PPP2R2C: variants seen among roughly 807,000 people sequenced by gnomAD.
The protein encoded by PPP2R2C is protein phosphatase 2, regulatory subunit B, gamma.
PPP2R2C carries 10 observed loss-of-function variants against 45.3 expected under a neutral mutation model. The ratio of observed to expected loss-of-function variants is 0.22; its 90% CI spans 0.14 to 0.37. PPP2R2C has a LOEUF of 0.37. PPP2R2C is among the 10% of genes least tolerant of loss of function. The probability of loss-of-function intolerance (pLI) is 1.00; values close to 1 mark genes in which losing one functional copy is unlikely to be tolerated. For synonymous variants in PPP2R2C, 257 were observed against 245.4 expected, an observed-to-expected ratio of 1.05 and a Z score of -0.44; for missense variants, 308 against 619.7, an observed-to-expected ratio of 0.50 and a Z score of 5.34.
At chr4:6,556,530 T>G (rs13148161) in intron 1 of PPP2R2C, among the ~76,000 whole-genome samples, 1 of 152,192 alleles carries the variant, frequency 6.6e-6, no homozygotes, top group African/African-American at 2.4e-5. Context: ...ACACGTGCAG[T>G]GATCCTATTG....
intron 5 of PPP2R2C, among the ~76,000 whole-genome samples, chr4:6,370,410 G>C (rs974286118): frequency 6.6e-6 from 1 of 152,182 alleles, no homozygotes; most frequent in African/African-American, 2.4e-5. Context: ...TGCAGACCTG[G>C]AGCTCCTGCT....
chr4:6,428,303 G>T (rs1054559240), intron 1 of PPP2R2C, among the ~76,000 whole-genome samples: 3 of 152,212 alleles, frequency 2.0e-5, no homozygotes, highest in Non-Finnish European at 4.4e-5. Context: ...ACCCCGGCCT[G>T]GATGGACAGT....
intron 1 of PPP2R2C, among the ~76,000 whole-genome samples, chr4:6,545,021 G>A (rs529124096): frequency 3.3e-5 from 5 of 152,230 alleles, no homozygotes; most frequent in African/African-American, 9.6e-5. Flanking sequence ...GAAGGATGAC[G>A]ACTTTTTCCA....
intron 2 of PPP2R2C, among the ~76,000 whole-genome samples, chr4:6,520,070 G>A (rs1194320657): frequency 6.6e-6 from 1 of 152,160 alleles, no homozygotes; most frequent in Non-Finnish European, 1.5e-5. Context: ...AGCCCCCAAG[G>A]CGCTTTAACA....
chr4:6,511,809 G>A (rs1470624082), intron 2 of PPP2R2C, among the ~76,000 whole-genome samples: 2 of 83,892 alleles, frequency 2.4e-5, no homozygotes. Flanking sequence ...TGGTGGTGTT[G>A]GTGGTGGTGA....
chr4:6,441,575 A>T (rs924683326), intron 1 of PPP2R2C, among the ~76,000 whole-genome samples: 1 of 152,070 alleles, frequency 6.6e-6, no homozygotes, highest in Non-Finnish European at 1.5e-5. Flanking sequence ...TCCCTGGCGG[A>T]TGGTTCCAGC....
intron 2 of PPP2R2C, among the ~76,000 whole-genome samples, chr4:6,513,806 G>C (rs2108807868): frequency 6.6e-6 from 1 of 152,300 alleles, no homozygotes; most frequent in Non-Finnish European, 1.5e-5. Context: ...GGCCCCCAGA[G>C]GCCCCCATCT....
rs73798243 is a variant in PPP2R2C at position 6,417,622 on chromosome 4, T to C, written c.71-36528A>G. Among the ~76,000 whole-genome samples the C allele has an allele frequency of 6.0e-4, 92 of 152,312 alleles. No homozygotes were observed. The Middle Eastern group carries it at 0.017, about 28-fold the overall frequency. Reference sequence around the variant, plus strand: ...TGTTGCCCAGGCTTCTGGATAAACATGTTCTCCTGCTGAGGCTTTCGGGGG... The same window carrying C: ...TGTTGCCCAGGCTTCTGGATAAACACGTTCTCCTGCTGAGGCTTTCGGGGG... On this transcript the variant is annotated intron_variant, in intron 1 of 8. Transcript: ENST00000382599.
chr4:6,414,458 C>A (rs567882074), intron 1 of PPP2R2C, among the ~76,000 whole-genome samples: 1 of 151,920 alleles, frequency 6.6e-6, no homozygotes, highest in Non-Finnish European at 1.5e-5. Flanking sequence ...AGGAGGCTGG[C>A]GGGAGGAGCA....
chr4:6,470,774 G>C (rs939634459), intron 1 of PPP2R2C, among the ~76,000 whole-genome samples: 2 of 151,828 alleles, frequency 1.3e-5, no homozygotes, highest in East Asian at 3.9e-4. Flanking sequence ...AGCCGCGGCC[G>C]GGTCAGAGCC....
At chr4:6,494,612 G>A (rs193222966) in intron 2 of PPP2R2C, among the ~76,000 whole-genome samples, 7 of 152,168 alleles carry the variant, frequency 4.6e-5, no homozygotes, top group African/African-American at 4.8e-5. Context: ...CACAGCCCAG[G>A]TGGAGGCCAG....
intron 6 of PPP2R2C, among the ~76,000 whole-genome samples, chr4:6,343,868 T>C (rs958000438): frequency 2.0e-5 from 3 of 152,164 alleles, no homozygotes; most frequent in African/African-American, 4.8e-5. Context: ...AATCTTAAAA[T>C]TGGGCAAAGA....
intron 1 of PPP2R2C, among the ~76,000 whole-genome samples, chr4:6,463,580 C>T (rs1721438995): frequency 6.6e-6 from 1 of 152,240 alleles, no homozygotes; most frequent in African/African-American, 2.4e-5. Flanking sequence ...CAGGGGCCCC[C>T]AGGTGTGTCC....
At chr4:6,375,458 A>G (rs533767804) in intron 4 of PPP2R2C, among the ~76,000 whole-genome samples, 5 of 152,162 alleles carry the variant, frequency 3.3e-5, no homozygotes, top group African/African-American at 1.2e-4. Flanking sequence ...GCCTCTGCCT[A>G]CTCACTCAGC....
chr4:6,559,027 T>G (rs1354523266), intron 1 of PPP2R2C, among the ~76,000 whole-genome samples: 2 of 152,246 alleles, frequency 1.3e-5, no homozygotes, highest in South Asian at 4.1e-4. Context: ...CTCCCAGCTC[T>G]GTGGCTCTGC....
rs1361463779 is a variant in PPP2R2C, at chr4:6,321,723, T to C, written c.*1579A>G. On this transcript the variant is annotated 3_prime_UTR_variant, in exon 9 of 9. Coordinates refer to ENST00000382599, the MANE Select transcript of PPP2R2C (RefSeq NM_020416.4). The stretch of plus-strand genomic sequence containing the variant: ...CTGCTCCCCACTTTCTGAATCAAAA[T>C]GCCAAACTACGTGGCTCTGCTGCAA... 7 of 152,058 alleles carry C rather than the reference T, an allele frequency of 4.6e-5. No homozygotes were observed. Among genetic ancestry groups the C allele is most frequent in the Non-Finnish European group, 7.4e-5 (5 of 68,012 alleles). 9.4% of individuals were successfully genotyped at this position (152,058 alleles called of 1,614,324 possible).
chr4:6,500,928 C>T (rs1002120640), intron 2 of PPP2R2C, among the ~76,000 whole-genome samples: 5 of 152,148 alleles, frequency 3.3e-5, no homozygotes, highest in South Asian at 2.1e-4. Flanking sequence ...AGCCGTCGCA[C>T]GGCACACATC....
chr4:6,509,293 G>T lies in PPP2R2C; in HGVS notation c.49+25978C>A, dbSNP rs1723347696. Reference sequence around the variant, plus strand: ...AAAGCCTTGCCTGGCAGCCCTTCTTGAGAAGTGGTATCTTCATCTCAGTCT... The same window carrying T: ...AAAGCCTTGCCTGGCAGCCCTTCTTTAGAAGTGGTATCTTCATCTCAGTCT... On this transcript the variant is annotated intron_variant, in intron 2 of 9. Transcript: ENST00000506140. Among the ~76,000 whole-genome samples the T allele has an allele frequency of 3.9e-5, 6 of 152,234 alleles. No homozygotes were observed. In the South Asian group the frequency reaches 1.2e-3, roughly 32 times the overall value.
chr4:6,337,158 AT>A (rs1303130330), intron 6 of PPP2R2C, among the ~76,000 whole-genome samples: 1 of 103,186 alleles, frequency 9.7e-6, no homozygotes, highest in Non-Finnish European at 2.0e-5. Flanking sequence ...ATATATATAT[AT>A]ATTTGTAGTT....
Sources: gnomAD v4.1 joint callset for allele counts (sites outside exome capture counted in the v4.1 genomes callset) on GRCh38, gnomAD v4.1.1 for gene constraint, MANE v1.5 for transcripts, NCBI Gene and HGNC (gene_info 2026-07-23, HGNC 2026-07-21) for gene names.